The following CSMD1 variants were observed in gnomAD, a reference collection of about 807,000 sequenced individuals.
CSMD1 encodes the protein CUB and sushi domain-containing protein 1.
A neutral mutation model predicts 417.5 loss-of-function variants in CSMD1; 213 were observed. That is an observed-to-expected ratio of 0.51 (90% CI 0.46 to 0.57). The LOEUF (loss-of-function observed/expected upper bound fraction) is 0.57, where lower values mean the gene tolerates loss of function less well. CSMD1 is among the 20% of genes least tolerant of loss of function. The pLI is 0.00. For missense variants in CSMD1, 6,923 were observed against 4,529.7 expected, an observed-to-expected ratio of 1.53 and a Z score of -15.17; for synonymous variants, 2,862 against 1,736.8, an observed-to-expected ratio of 1.65 and a Z score of -16.11.
intron 1 of CSMD1, among the ~76,000 whole-genome samples, chr8:4,668,426 T>C (rs1805079059): frequency 7.1e-6 from 1 of 140,470 alleles, no homozygotes; most frequent in South Asian, 2.3e-4. Context: ...ATTATTATTA[T>C]TATTATTATT....
At chr8:3,077,146 CT>C (rs1245893500) in intron 49 of CSMD1, among the ~76,000 whole-genome samples, 1 of 152,210 alleles carries the variant, frequency 6.6e-6, no homozygotes, top group Admixed American at 6.5e-5. Flanking sequence ...TTCCTGGAGC[CT>C]GCCAAATCAG....
intron 10 of CSMD1, among the ~76,000 whole-genome samples, chr8:3,517,063 C>T (rs915033294): frequency 1.3e-5 from 2 of 152,206 alleles, no homozygotes; most frequent in South Asian, 2.1e-4. Context: ...ACACTGGAAC[C>T]GACAGCTCCA....
intron 26 of CSMD1, among the ~76,000 whole-genome samples, chr8:3,243,345 C>T (rs1006740918): frequency 1.3e-5 from 2 of 152,128 alleles, no homozygotes; most frequent in Admixed American, 1.3e-4. Flanking sequence ...GTGAAGACAC[C>T]ACCAAACAGG....
chr8:3,388,634 T>C (rs1417482882), intron 17 of CSMD1, among the ~76,000 whole-genome samples: 2 of 152,188 alleles, frequency 1.3e-5, no homozygotes, highest in African/African-American at 2.4e-5. Flanking sequence ...AAAATTTGAG[T>C]GCTATAACTT....
intron 3 of CSMD1, among the ~76,000 whole-genome samples, chr8:4,191,471 C>A (rs970942906): frequency 6.6e-6 from 1 of 152,014 alleles, no homozygotes; most frequent in Admixed American, 6.6e-5. Context: ...CAAGATAGAA[C>A]TAAAAGCATT....
chr8:4,543,247 C>T (rs1473404006), intron 2 of CSMD1, among the ~76,000 whole-genome samples: 1 of 152,118 alleles, frequency 6.6e-6, no homozygotes, highest in Non-Finnish European at 1.5e-5. Flanking sequence ...ATTACAGAAT[C>T]ACATCTGACG....
intron 37 of CSMD1, among the ~76,000 whole-genome samples, chr8:3,180,420 C>T (rs1462623392): frequency 6.6e-6 from 1 of 152,128 alleles, no homozygotes; most frequent in East Asian, 1.9e-4. Flanking sequence ...GGCTTATGAC[C>T]ATAATCTAGG....
In CSMD1 at chr8:3,959,316, G is replaced by A. The variant is rs527581948; in HGVS notation, c.818+38587C>T. On this transcript the variant is annotated intron_variant, in intron 5 of 69. Transcript: ENST00000635120. ...ATGTGGGATCAGCCTGGGCAACATGGCAAAAAACCCTGTCTCTACTAAAAA... is the reference window on the plus strand; with the variant it reads ...ATGTGGGATCAGCCTGGGCAACATGACAAAAAACCCTGTCTCTACTAAAAA... Among the ~76,000 whole-genome samples the A allele has an allele frequency of 9.9e-5, 15 of 152,202 alleles. No individual in the cohort carries two copies. In the South Asian group the frequency reaches 2.7e-3, roughly 27 times the overall value.
At chr8:3,028,752 A>G (rs753975435) in intron 51 of CSMD1, among the ~76,000 whole-genome samples, 8 of 152,260 alleles carry the variant, frequency 5.3e-5, no homozygotes, top group Non-Finnish European at 8.8e-5. Flanking sequence ...TATGCATGAT[A>G]ATTTTCTGTG....
chr8:3,088,149 A>T (rs1218635354), intron 48 of CSMD1, among the ~76,000 whole-genome samples: 1 of 152,222 alleles, frequency 6.6e-6, no homozygotes, highest in East Asian at 1.9e-4. Context: ...AAAACTAGAG[A>T]TGGGCATTTG....
intron 10 of CSMD1, among the ~76,000 whole-genome samples, chr8:3,495,640 G>C (rs28444261): frequency 0.072 from 10,930 of 152,192 alleles, 404 homozygotes; most frequent in Middle Eastern, 0.095. Flanking sequence ...TTTGTCATAT[G>C]GCATTTTACA....
intron 3 of CSMD1, among the ~76,000 whole-genome samples, chr8:4,242,081 C>T (rs1165432596): frequency 6.6e-6 from 1 of 152,116 alleles, no homozygotes; most frequent in African/African-American, 2.4e-5. Flanking sequence ...TATCACCAGG[C>T]AGAATTTTTG....
At chr8:4,456,985 T>TAAAAAAA (rs1554485114) in intron 2 of CSMD1, among the ~76,000 whole-genome samples, 2 of 138,792 alleles carry the variant, frequency 1.4e-5, no homozygotes. Flanking sequence ...GGTTTTTTTT[T>TAAAAAAA]AAAAAAAAAA....
chr8:4,848,737 T>A (rs1266945768), intron 1 of CSMD1, among the ~76,000 whole-genome samples: 2 of 152,144 alleles, frequency 1.3e-5, no homozygotes, highest in Non-Finnish European at 2.9e-5. Context: ...AGGGACTGGG[T>A]TTCACCATGC....
At chr8:4,180,934 C>T (rs981787166) in intron 3 of CSMD1, among the ~76,000 whole-genome samples, 1 of 151,986 alleles carries the variant, frequency 6.6e-6, no homozygotes, top group Non-Finnish European at 1.5e-5. Context: ...CCAAAATTGC[C>T]CCACTCTGTT....
At chr8:3,023,622 C>G (rs920616548) in intron 51 of CSMD1, among the ~76,000 whole-genome samples, 6 of 152,038 alleles carry the variant, frequency 3.9e-5, no homozygotes, top group East Asian at 1.9e-4. Context: ...TTAAAGTAGC[C>G]TGGAGTTAGA....
chr8:4,069,353 T>G (rs186146341), intron 3 of CSMD1, among the ~76,000 whole-genome samples: 2 of 152,354 alleles, frequency 1.3e-5, no homozygotes, highest in East Asian at 3.9e-4. Context: ...TACAGGTAGT[T>G]GAACCACTGG....
chr8:3,624,000 A>G (rs1001763567), intron 7 of CSMD1, among the ~76,000 whole-genome samples: 4 of 152,056 alleles, frequency 2.6e-5, no homozygotes, highest in African/African-American at 9.7e-5. Context: ...ACAAAAAAAA[A>G]ACCTTTCTGT....
rs1034149017 is a variant in CSMD1 at position 4,278,478 on chromosome 8, G to A, written c.415+141475C>T. Among the ~76,000 whole-genome samples the A allele has an allele frequency of 1.5e-3, 235 of 152,270 alleles. 1 individual carries two copies. The highest frequency in any genetic ancestry group is 5.2e-3 in the African/African-American group (215 of 41,546). The stretch of plus-strand genomic sequence containing the variant: ...AATATAATTTTTTAACATGAAAGCA[G>A]CATTTTAATATTAGGTTGACACAAA... On this transcript the variant is annotated intron_variant, in intron 3 of 69. Coordinates refer to ENST00000635120, the MANE Select transcript of CSMD1 (RefSeq NM_033225.6).
Sources: allele counts gnomAD v4.1 joint callset (sites outside exome capture counted in the v4.1 genomes callset), GRCh38; gene constraint gnomAD v4.1.1; transcripts MANE v1.5; gene names NCBI Gene and HGNC (gene_info 2026-07-23, HGNC 2026-07-21).